The following CHRNA5 variants were observed in gnomAD, a reference collection of about 807,000 sequenced individuals.
The protein encoded by CHRNA5 is neuronal acetylcholine receptor subunit alpha-5.
CHRNA5 carries 28 observed loss-of-function variants against 41.2 expected under a neutral mutation model. The ratio of observed to expected loss-of-function variants is 0.68; its 90% CI spans 0.50 to 0.93. The LOEUF (loss-of-function observed/expected upper bound fraction) is 0.93, where lower values mean the gene tolerates loss of function less well. Among genes scored for constraint, CHRNA5 ranks in the 40% least tolerant of loss-of-function variants. CHRNA5 has a pLI of 0.00. For synonymous variants in CHRNA5, 188 were observed against 205.8 expected (o/e 0.91, Z 0.74); for missense variants, 481 against 581.9 (o/e 0.83, Z 1.78).
chr15:78,586,336 C>T (rs537440792), intron 2 of CHRNA5, among the ~76,000 whole-genome samples: 1 of 152,318 alleles, frequency 6.6e-6, no homozygotes, highest in East Asian at 1.9e-4. Context: ...CATAAAATAA[C>T]ACTATGCTTA....
intron 2 of CHRNA5, among the ~76,000 whole-genome samples, chr15:78,583,350 G>T (rs2052930104): frequency 6.6e-6 from 1 of 152,128 alleles, no homozygotes; most frequent in Middle Eastern, 3.2e-3. Flanking sequence ...ATGGAGGGAG[G>T]CATCACATTT....
intron 1 of CHRNA5, among the ~76,000 whole-genome samples, chr15:78,578,636 A>C (rs1258521990): frequency 6.6e-6 from 1 of 152,234 alleles, no homozygotes; most frequent in Non-Finnish European, 1.5e-5. Context: ...CTCCAGCTAG[A>C]GTACCTGGAT....
chr15:78,567,505 TATAAC>T (rs2052761121), intron 1 of CHRNA5, among the ~76,000 whole-genome samples: 1 of 152,246 alleles, frequency 6.6e-6, no homozygotes, highest in Admixed American at 6.5e-5. Flanking sequence ...TGTTCAGTGT[TATAAC>T]AAAGTGAAAT....
chr15:78,589,903 C>T (rs370096844), exon 5 of CHRNA5: 1 of 1,614,036 alleles, frequency 6.2e-7, no homozygotes, highest in African/African-American at 1.3e-5. Flanking sequence ...AGTTCCTGTA[C>T]CATAGATGTC....
At chr15:78,578,937 C>T (rs1190459705) in intron 1 of CHRNA5, among the ~76,000 whole-genome samples, 1 of 152,148 alleles carries the variant, frequency 6.6e-6, no homozygotes, top group Non-Finnish European at 1.5e-5. Context: ...AAACTCATTT[C>T]TTCAGAGATG....
At chr15:78,583,644 G>A (rs917946788) in intron 2 of CHRNA5, among the ~76,000 whole-genome samples, 1 of 151,570 alleles carries the variant, frequency 6.6e-6, no homozygotes, top group Non-Finnish European at 1.5e-5. Context: ...GCAGTGAGCC[G>A]AGATTGCGCC....
chr15:78,585,791 C>CTTTCTT (rs1555415935), intron 2 of CHRNA5, among the ~76,000 whole-genome samples: 22 of 130,614 alleles, frequency 1.7e-4, no homozygotes, highest in African/African-American at 5.2e-4. Flanking sequence ...TCTTTTCTTT[C>CTTTCTT]TTTTTTTTTT....
intron 1 of CHRNA5, among the ~76,000 whole-genome samples, chr15:78,572,454 A>G (rs1050444587): frequency 2.0e-5 from 3 of 152,136 alleles, no homozygotes; most frequent in Non-Finnish European, 4.4e-5. Flanking sequence ...ATCTACTGGT[A>G]TATAGTTTAT....
exon 1 of CHRNA5, chr15:78,565,637 C>T (rs1567047716): frequency 2.9e-6 from 1 of 342,836 alleles, no homozygotes; most frequent in Non-Finnish European, 4.5e-6. Context: ...GACTCACACT[C>T]AGTGCTCCAT....
At chr15:78,581,236 A>G (rs1408904773) in intron 2 of CHRNA5, among the ~76,000 whole-genome samples, 2 of 152,240 alleles carry the variant, frequency 1.3e-5, no homozygotes, top group Non-Finnish European at 2.9e-5. Flanking sequence ...TGTATTCCTT[A>G]AATGTGTTAA....
At chr15:78,580,829 C>T (rs368213023) in exon 2 of CHRNA5, 27 of 1,612,720 alleles carry the variant, frequency 1.7e-5, no homozygotes, top group Non-Finnish European at 2.1e-5. Flanking sequence ...GAACCTTCTT[C>T]TATTGCAAAA....
intron 2 of CHRNA5, 107 bp from the exon 3 acceptor site, chr15:78,586,538 G>T (rs2052963271): frequency 7.6e-6 from 5 of 655,290 alleles, no homozygotes; most frequent in Non-Finnish European, 1.3e-5. Flanking sequence ...TGAAATGTGG[G>T]TACTATGTGA....
Position 78,580,973 on chromosome 15 carries a change from A to C in CHRNA5, c.258+11A>C, listed in dbSNP as rs1050456017. ...CAATTGGTGGATGTGGTAGGTGTGC[A>C]TATCCTTCTATAGTCAATTTCCCAC... On this transcript the variant is annotated intron_variant, in intron 2 of 5. Transcript: ENST00000299565. 6.2e-7 allele frequency: 1 copy of C among 1,609,030 alleles called. No individual in the cohort carries two copies. Among genetic ancestry groups the C allele is most frequent in the Non-Finnish European group, 8.5e-7 (1 of 1,178,950 alleles).
rs1278310566 is a variant in CHRNA5, at chr15:78,565,830, GC to G, written c.106+8del. 8.2e-7 allele frequency: 1 copy of G among 1,220,344 alleles called. No homozygotes were observed. Among genetic ancestry groups the G allele is most frequent in the Non-Finnish European group, 1.0e-6 (1 of 980,390 alleles). The allele number at this position is 1,220,344 out of a possible 1,614,324, so 75.6% of individuals were successfully genotyped here. On this transcript the variant is annotated splice_donor_region_variant and intron_variant, in intron 1 of 5. Transcript: ENST00000299565. The stretch of plus-strand genomic sequence containing the variant: ...CGGCGGGCGGCGCGCAGAGAGGTAA[GC>G]CCGGGCTGCAGAGGGGCGGGGCGGG...
chr15:78,580,279 CA>C (rs71148541), intron 1 of CHRNA5, among the ~76,000 whole-genome samples: 820 of 61,974 alleles, frequency 0.013, 2 homozygotes, highest in Non-Finnish European at 0.017. Flanking sequence ...GACTCCGTCT[CA>C]AAAAAAAAAA....
intron 1 of CHRNA5, among the ~76,000 whole-genome samples, chr15:78,573,655 G>A (rs75416289): frequency 6.6e-6 from 1 of 152,162 alleles, no homozygotes; most frequent in African/African-American, 2.4e-5. Context: ...TCTGCAGGTT[G>A]GCAAAAGACT....
intron 1 of CHRNA5, among the ~76,000 whole-genome samples, chr15:78,570,521 TG>T (rs995212135): frequency 4.1e-5 from 6 of 146,898 alleles, no homozygotes; most frequent in African/African-American, 1.5e-4. Context: ...CCGCCCGCCT[TG>T]GCTTCGCAAA....
intron 2 of CHRNA5, among the ~76,000 whole-genome samples, chr15:78,585,197 G>A (rs2052947823): frequency 6.6e-6 from 1 of 152,184 alleles, no homozygotes; most frequent in African/African-American, 2.4e-5. Context: ...TTACAGGTGT[G>A]AGCCACCGTG....
chr15:78,585,940 A>G (rs1229364691), intron 2 of CHRNA5, among the ~76,000 whole-genome samples: 2 of 140,946 alleles, frequency 1.4e-5, no homozygotes, highest in East Asian at 2.1e-4. Flanking sequence ...ATGTGCCACC[A>G]TGCCTGGCTA....
Sources: allele counts gnomAD v4.1 joint callset (sites outside exome capture counted in the v4.1 genomes callset), GRCh38; gene constraint gnomAD v4.1.1; transcripts MANE v1.5; gene names NCBI Gene and HGNC (gene_info 2026-07-23, HGNC 2026-07-21).